Variants in VRK2 observed in about 807,000 individuals in gnomAD.
The protein encoded by VRK2 is VRK serine/threonine kinase 2.
A neutral mutation model predicts 57.6 loss-of-function variants in VRK2; 60 were observed. The ratio of observed to expected loss-of-function variants is 1.04; its 90% CI spans 0.85 to 1.29. VRK2 has a LOEUF of 1.29. VRK2 is among the 50% of genes most tolerant of loss of function. The pLI, the probability that VRK2 is intolerant of heterozygous loss-of-function variation, is 0.00. For missense variants in VRK2, 705 were observed against 588.1 expected, an observed-to-expected ratio of 1.20 and a Z score of -2.06; for synonymous variants, 231 against 199.2, an observed-to-expected ratio of 1.16 and a Z score of -1.35.
At chr2:57,907,738 T>G (rs996339685) in exon 1 of VRK2, 1 of 152,228 alleles carries the variant, frequency 6.6e-6, no homozygotes, top group Non-Finnish European at 1.5e-5. Flanking sequence ...ATTTCCTTCA[T>G]CCTACAAGAT....
chr2:58,072,657 T>A (rs1221438664), intron 2 of VRK2, among the ~76,000 whole-genome samples: 1 of 152,052 alleles, frequency 6.6e-6, no homozygotes, highest in East Asian at 1.9e-4. Context: ...TGGATTTGAT[T>A]TGCTAATGTT....
intron 1 of VRK2, among the ~76,000 whole-genome samples, chr2:57,966,393 G>A (rs1671917466): frequency 6.6e-6 from 1 of 152,110 alleles, no homozygotes; most frequent in Non-Finnish European, 1.5e-5. Context: ...CATGAGACAG[G>A]TAAAAGGGAA....
At chr2:58,159,109 A>G (rs1487173278) in intron 12 of VRK2, 1 of 347,158 alleles carries the variant, frequency 2.9e-6, no homozygotes, top group African/African-American at 2.1e-5. Flanking sequence ...GAGATGGCCT[A>G]CTGACGTGGT....
intron 7 of VRK2, among the ~76,000 whole-genome samples, chr2:58,092,855 T>C (rs1672570289): frequency 6.6e-6 from 1 of 152,178 alleles, no homozygotes; most frequent in African/African-American, 2.4e-5. Context: ...GTTGTTCCCC[T>C]TCCTATGTCC....
Position 58,157,697 on chromosome 2 carries a change from C to A in VRK2, c.1183-1652C>A, listed in dbSNP as rs1573463224. Among the ~76,000 whole-genome samples, 4 of 152,332 alleles carry A rather than the reference C, an allele frequency of 2.6e-5. 1 individual carries two copies. In the Middle Eastern group the frequency reaches 0.014, roughly 518 times the overall value. ...CTGCATTTTAACAAGTTATGATGAT[C>A]TGTTTGCTTTCTAATACTCGAAGAA... On this transcript the variant is annotated intron_variant, in intron 12 of 12. Transcript: ENST00000340157.
chr2:57,997,914 A>T (rs1672975600), intron 1 of VRK2, among the ~76,000 whole-genome samples: 1 of 152,186 alleles, frequency 6.6e-6, no homozygotes, highest in Non-Finnish European at 1.5e-5. Context: ...AAAAAAAGAA[A>T]AAAAAGGAGG....
upstream of VRK2, among the ~76,000 whole-genome samples, chr2:58,042,958 C>T (rs1453919105): frequency 2.0e-5 from 3 of 152,092 alleles, no homozygotes; most frequent in East Asian, 3.9e-4. Context: ...CATCTTGAAA[C>T]ATACACACAG....
chr2:58,022,738 G>C (rs958020065), intron 1 of VRK2, among the ~76,000 whole-genome samples: 9 of 152,124 alleles, frequency 5.9e-5, no homozygotes, highest in African/African-American at 1.9e-4. Context: ...AGCTAAGCAT[G>C]GTGGCCCTTG....
In VRK2 at chr2:58,024,003, G is replaced by C. The variant is rs1360804569; in HGVS notation, c.-438-1662G>C. 2.0e-5 allele frequency among the ~76,000 whole-genome samples: 3 copies of C among 148,988 alleles called. No homozygotes were observed. In the East Asian group the frequency reaches 5.9e-4, roughly 29 times the overall value. On this transcript the variant is annotated intron_variant, in intron 1 of 15. Transcript: ENST00000417641. ...ATTTTTTTTTTTTTTTTTTGAGACG[G>C]AGTCTCACTCTGTAGCCCAGGCTGG...
chr2:58,091,504 C>T (rs2104248138), intron 7 of VRK2, among the ~76,000 whole-genome samples: 1 of 151,142 alleles, frequency 6.6e-6, no homozygotes, highest in East Asian at 1.9e-4. Flanking sequence ...AACAATATAC[C>T]TAGTTGTTAC....
chr2:58,065,607 A>C (rs1668498415), intron 2 of VRK2, among the ~76,000 whole-genome samples: 1 of 152,122 alleles, frequency 6.6e-6, no homozygotes, highest in South Asian at 2.1e-4. Flanking sequence ...TTCCATATAC[A>C]TAATTAATTT....
At position 58,139,820 on chromosome 2, in the gene VRK2, A is replaced by T. The variant is rs375336141; in HGVS notation, c.1011A>T (p.Pro337=). 2.5e-6 allele frequency: 4 copies of T among 1,610,716 alleles called. 1 individual carries two copies. Among genetic ancestry groups the T allele is most frequent in the South Asian group, 2.2e-5 (2 of 90,636 alleles). Residue 337 remains proline (P), a synonymous_variant, in exon 11 of 13, where the codon CCA becomes CCT. Coordinates refer to ENST00000340157, the MANE Select transcript of VRK2 (RefSeq NM_006296.7). ...GACAGAGTATAAATGTCCATACTCC[A>T]AACAGTCAAAAAGTAAGTAACATAA... ...TKGQSINVHT[P]NSQKVDSQKA...
chr2:58,135,305 A>C, intron 10 of VRK2, 106 bp downstream of exon 10: 4 of 1,158,388 alleles, frequency 3.5e-6, no homozygotes, highest in South Asian at 1.3e-5. Flanking sequence ...TATTCCCATC[A>C]GGGTGGGAAG....
At chr2:58,152,261 G>A (rs1683184939) in intron 12 of VRK2, among the ~76,000 whole-genome samples, 1 of 151,774 alleles carries the variant, frequency 6.6e-6, no homozygotes, top group South Asian at 2.1e-4. Flanking sequence ...CATATTTCAA[G>A]TGGTCAAGTC....
At chr2:57,969,461 A>T (rs529902651) in intron 1 of VRK2, among the ~76,000 whole-genome samples, 1 of 152,170 alleles carries the variant, frequency 6.6e-6, no homozygotes, top group South Asian at 2.1e-4. Flanking sequence ...ATTTAAAAAA[A>T]TAACAATTTA....
chr2:58,125,672 A>G (rs1678230533), intron 8 of VRK2, among the ~76,000 whole-genome samples: 2 of 152,256 alleles, frequency 1.3e-5, no homozygotes, highest in South Asian at 4.1e-4. Context: ...TAGGATTTAC[A>G]CTAAAATTCT....
chr2:58,134,749 CATAAAG>C lies in VRK2; in HGVS notation c.798-388_798-383del, dbSNP rs1447480637. ...CTGTCTATTCTTCATCAAACCTAAG[CATAAAG>C]ATAGACTTCCTTGGGTCTTTGGTCT... On this transcript the variant is annotated intron_variant, in intron 9 of 12. Coordinates refer to ENST00000340157, the MANE Select transcript of VRK2 (RefSeq NM_006296.7). Among the ~76,000 whole-genome samples, 3 of 152,106 alleles carry C rather than the reference CATAAAG, an allele frequency of 2.0e-5. No homozygotes were observed. The East Asian group carries it at 5.8e-4, about 29-fold the overall frequency.
Position 58,127,225 on chromosome 2 carries a change from T to C in VRK2, c.676+3992T>C, listed in dbSNP as rs897042015. Among the ~76,000 whole-genome samples the C allele has an allele frequency of 1.3e-4, 20 of 152,242 alleles. No homozygotes were observed. In the East Asian group the frequency reaches 2.5e-3, roughly 19 times the overall value. On this transcript the variant is annotated intron_variant, in intron 8 of 12. Transcript: ENST00000340157. ...CTTTCATGGTTTCATTTCACTCTAA[T>C]CTAGCACTCCAACTTACAAAATATA...
At chr2:58,103,135 A>C in intron 7 of VRK2, among the ~76,000 whole-genome samples, 1 of 151,432 alleles carries the variant, frequency 6.6e-6, no homozygotes, top group South Asian at 2.1e-4. Flanking sequence ...CAAAAAAAGA[A>C]ATCACAAATT....
Sources: gnomAD v4.1 joint callset for allele counts (sites outside exome capture counted in the v4.1 genomes callset) on GRCh38, gnomAD v4.1.1 for gene constraint, MANE v1.5 for transcripts, NCBI Gene and HGNC (gene_info 2026-07-23, HGNC 2026-07-21) for gene names.